PCDH11Y: variants seen among roughly 807,000 people sequenced by gnomAD.
PCDH11Y encodes protocadherin-11 Y-linked.
For missense variants in PCDH11Y, 12 were observed against 224.8 expected, an observed-to-expected ratio of 0.05 and a Z score of 6.05; for synonymous variants, 9 against 83.6, an observed-to-expected ratio of 0.11 and a Z score of 4.87.
intron 2 of PCDH11Y, among the ~76,000 whole-genome samples, chrY:5,230,139 C>A: frequency 6.0e-5 from 2 of 33,445 alleles, no homozygotes; most frequent in Non-Finnish European, 1.5e-4. Flanking sequence ...TTGATGGGTT[C>A]ATTTTTTGCT....
intron 1 of PCDH11Y, among the ~76,000 whole-genome samples, chrY:5,081,091 AGTT>A (rs2052718687): frequency 9.9e-5 from 3 of 30,356 alleles, no homozygotes; most frequent in Admixed American, 6.1e-4. Flanking sequence ...ATGGCTAGCC[AGTT>A]CTCCCAGCAC....
At chrY:5,459,668 G>T (rs2053301520) in intron 2 of PCDH11Y, among the ~76,000 whole-genome samples, 1 of 32,538 alleles carries the variant, frequency 3.1e-5, no homozygotes, top group South Asian at 6.9e-4. Flanking sequence ...ATTAAAAAAT[G>T]AGTTTTAAAA....
chrY:5,671,867 C>T (rs2124708461), intron 4 of PCDH11Y, among the ~76,000 whole-genome samples: 1 of 32,755 alleles, frequency 3.1e-5, no homozygotes, highest in African/African-American at 1.2e-4. Flanking sequence ...TTTCCCCATT[C>T]AGTATGATAC....
chrY:5,464,828 C>A (rs2124684138), intron 2 of PCDH11Y, among the ~76,000 whole-genome samples: 1 of 32,952 alleles, frequency 3.0e-5, no homozygotes, highest in African/African-American at 1.2e-4. Context: ...TCTCCACACG[C>A]TGCTCTGTCT....
At chrY:5,179,479 GTTTC>G in intron 2 of PCDH11Y, among the ~76,000 whole-genome samples, 1 of 33,208 alleles carries the variant, frequency 3.0e-5, no homozygotes, top group Non-Finnish European at 7.4e-5. Flanking sequence ...GGAGTTGTTT[GTTTC>G]TTTCTTGTAA....
intron 2 of PCDH11Y, among the ~76,000 whole-genome samples, chrY:5,135,118 C>T: frequency 3.0e-5 from 1 of 33,272 alleles, no homozygotes; most frequent in African/African-American, 1.2e-4. Flanking sequence ...GACTTGCATG[C>T]ACTCCCAGCC....
At chrY:5,381,232 CTTG>C (rs2053205030) in intron 2 of PCDH11Y, among the ~76,000 whole-genome samples, 1 of 32,597 alleles carries the variant, frequency 3.1e-5, no homozygotes, top group African/African-American at 1.2e-4. Context: ...ACATAGTCCC[CTTG>C]TTGTCTCTTG....
At chrY:5,104,908 TA>T (rs2052785237), downstream of PCDH11Y, 1 of 224,820 alleles carries the variant, frequency 4.4e-6, no homozygotes, top group African/African-American at 8.5e-5. Flanking sequence ...ACTAACATAA[TA>T]TTGCTGAGAA....
intron 4 of PCDH11Y, among the ~76,000 whole-genome samples, chrY:5,667,230 A>G: frequency 3.4e-5 from 1 of 29,713 alleles, no homozygotes; most frequent in Non-Finnish European, 8.0e-5. Flanking sequence ...ATATATGTAA[A>G]AGGTGATTAA....
At chrY:5,409,767 G>A (rs1602921326) in intron 2 of PCDH11Y, among the ~76,000 whole-genome samples, 1 of 33,384 alleles carries the variant, frequency 3.0e-5, no homozygotes, top group African/African-American at 1.2e-4. Flanking sequence ...CAATCTGTAT[G>A]AATTTTGTTT....
intron 2 of PCDH11Y, among the ~76,000 whole-genome samples, chrY:5,407,747 A>T (rs2053240729): frequency 3.3e-5 from 1 of 30,401 alleles, no homozygotes; most frequent in Non-Finnish European, 7.9e-5. Flanking sequence ...CCCCGTCTCT[A>T]CTAAAAAAAA....
At chrY:5,531,774 G>A in intron 3 of PCDH11Y, among the ~76,000 whole-genome samples, 1 of 29,246 alleles carries the variant, frequency 3.4e-5, no homozygotes, top group Non-Finnish European at 8.1e-5. Context: ...GATAGACATG[G>A]TCTTGCTCAG....
At chrY:5,520,281 C>T in intron 3 of PCDH11Y, among the ~76,000 whole-genome samples, 1 of 25,469 alleles carries the variant, frequency 3.9e-5, no homozygotes, top group Non-Finnish European at 9.0e-5. Flanking sequence ...CCTCTGTTCC[C>T]AATCTGCTTC....
chrY:5,178,486 C>G, intron 2 of PCDH11Y, among the ~76,000 whole-genome samples: 1 of 32,684 alleles, frequency 3.1e-5, no homozygotes, highest in Non-Finnish European at 7.5e-5. Flanking sequence ...TAGTATGTAG[C>G]TTTGGTAATA....
intron 3 of PCDH11Y, chrY:5,573,265 G>T: frequency 2.8e-6 from 1 of 362,211 alleles, no homozygotes; most frequent in Non-Finnish European, 3.9e-6. Flanking sequence ...AGGCGCCGGG[G>T]GCTCTGGTTC....
chrY:5,730,892 T>G (rs2053603795), intron 4 of PCDH11Y, among the ~76,000 whole-genome samples: 1 of 32,135 alleles, frequency 3.1e-5, no homozygotes, highest in Non-Finnish European at 7.7e-5. Context: ...GTTTATGCGG[T>G]GAATCACATT....
At chrY:5,428,902 A>G in intron 2 of PCDH11Y, among the ~76,000 whole-genome samples, 1 of 32,988 alleles carries the variant, frequency 3.0e-5, no homozygotes, top group East Asian at 8.1e-4. Flanking sequence ...AGGGCTGCAT[A>G]TCAACATAGA....
At chrY:5,615,101 G>T in intron 4 of PCDH11Y, among the ~76,000 whole-genome samples, 1 of 31,913 alleles carries the variant, frequency 3.1e-5, no homozygotes, top group Non-Finnish European at 7.5e-5. Flanking sequence ...CTTCCACCGA[G>T]TCCCTCCCAC....
intron 2 of PCDH11Y, among the ~76,000 whole-genome samples, chrY:5,429,791 T>G: frequency 3.1e-5 from 1 of 32,419 alleles, no homozygotes; most frequent in African/African-American, 1.2e-4. Context: ...AACATCATCC[T>G]CTTGAATAGC....
Sources: allele counts gnomAD v4.1 joint callset (sites outside exome capture counted in the v4.1 genomes callset), GRCh38; gene constraint gnomAD v4.1.1; transcripts MANE v1.5; gene names NCBI Gene and HGNC (gene_info 2026-07-23, HGNC 2026-07-21).